Variants in NEIL2 observed in about 807,000 individuals in gnomAD.
NEIL2 encodes the protein endonuclease 8-like 2.
A neutral mutation model predicts 22.2 loss-of-function variants in NEIL2; 23 were observed. The observed-to-expected ratio is 1.04, with a 90% CI of 0.75 to 1.47. NEIL2 has a LOEUF of 1.47. NEIL2 is among the 40% of genes most tolerant of loss of function. The pLI, the probability that NEIL2 is intolerant of heterozygous loss-of-function variation, is 0.00. For synonymous variants in NEIL2, 229 were observed against 164.8 expected, an observed-to-expected ratio of 1.39 and a Z score of -2.99; for missense variants, 583 against 404.7, an observed-to-expected ratio of 1.44 and a Z score of -3.78.
At chr8:11,783,578 G>A (rs1199728931) in intron 4 of NEIL2, among the ~76,000 whole-genome samples, 179 bp downstream of exon 4, 3 of 152,176 alleles carry the variant, frequency 2.0e-5, no homozygotes, top group Non-Finnish European at 4.4e-5. Context: ...CATTAGATCA[G>A]GCAGTTTTTA....
chr8:11,780,703 T>G (rs1427257888), intron 3 of NEIL2, among the ~76,000 whole-genome samples: 1 of 152,248 alleles, frequency 6.6e-6, no homozygotes, highest in Non-Finnish European at 1.5e-5. Context: ...AATCTATGAA[T>G]GTTGAGATCA....
chr8:11,781,376 G>C (rs546318792), intron 3 of NEIL2, among the ~76,000 whole-genome samples: 24 of 152,278 alleles, frequency 1.6e-4, no homozygotes, highest in African/African-American at 5.5e-4. Context: ...TTTCTCCTTA[G>C]ACCAGCAGCA....
chr8:11,778,372 G>A (rs1369420661), intron 2 of NEIL2, among the ~76,000 whole-genome samples: 3 of 148,728 alleles, frequency 2.0e-5, no homozygotes, highest in African/African-American at 7.4e-5. Flanking sequence ...CAGATTTACA[G>A]ATAAGCTATT....
chr8:11,783,173 G>A, intron 3 of NEIL2, 30 bp from the exon 4 acceptor site: 1 of 1,604,250 alleles, frequency 6.2e-7, no homozygotes, highest in Non-Finnish European at 8.5e-7. Context: ...TGGTAACGAT[G>A]TGTACATATG....
At chr8:11,770,415 A>T (rs1803336782) in intron 1 of NEIL2, 80 bp downstream of exon 1, 1 of 152,126 alleles carries the variant, frequency 6.6e-6, no homozygotes, top group African/African-American at 2.4e-5. Flanking sequence ...AAGCCTGATG[A>T]GGGGAAATAG....
chr8:11,774,155 C>T (rs1012787372), intron 2 of NEIL2, among the ~76,000 whole-genome samples: 5 of 152,066 alleles, frequency 3.3e-5, no homozygotes, highest in African/African-American at 1.2e-4. Flanking sequence ...GTGGGCAGGT[C>T]GCCTGAGGTC....
intron 3 of NEIL2, 130 bp from the exon 4 acceptor site, chr8:11,783,073 G>GC (rs1173278877): frequency 1.3e-6 from 1 of 790,232 alleles, no homozygotes; most frequent in Non-Finnish European, 2.3e-6. Flanking sequence ...GTATGATCCA[G>GC]CCACAGAGTG....
chr8:11,771,685 G>A (rs1177528015), intron 2 of NEIL2, 100 bp downstream of exon 2: 7 of 1,307,562 alleles, frequency 5.4e-6, no homozygotes, highest in Admixed American at 2.2e-5. Flanking sequence ...CCCTGAGTCC[G>A]GAACCACCAA....
chr8:11,778,290 G>GTTTTTTTTTTTTTTTTTTTT (rs34908835), intron 2 of NEIL2, among the ~76,000 whole-genome samples: 1 of 130,298 alleles, frequency 7.7e-6, no homozygotes, highest in Admixed American at 7.6e-5. Flanking sequence ...TCCTTGCTCA[G>GTTTTTTTTTTTTTTTTTTTT]TTTTTTTTTT....
At chr8:11,781,023 TATATC>T (rs1198211552) in intron 3 of NEIL2, among the ~76,000 whole-genome samples, 1 of 152,238 alleles carries the variant, frequency 6.6e-6, no homozygotes, top group African/African-American at 2.4e-5. Context: ...TTTAAATTTT[TATATC>T]ATCAACGGTG....
rs780305560 is a variant in NEIL2 at position 11,787,224 on chromosome 8, G to C, written c.*951G>C. 11 of 152,672 alleles carry C rather than the reference G, an allele frequency of 7.2e-5. No individual in the cohort carries two copies. The highest frequency in any genetic ancestry group is 2.4e-4 in the African/African-American group (10 of 41,446). 9.5% of individuals were successfully genotyped at this position (152,672 alleles called of 1,614,324 possible). On this transcript the variant is annotated 3_prime_UTR_variant, in exon 5 of 5. Transcript: ENST00000284503. ...GTTTACTCCTTAAGTCAATGTATTG[G>C]TGACTGTTGATTTGTTGAACAATTC...
rs8191664 is a variant in NEIL2 at position 11,786,044 on chromosome 8, G to A, written c.770G>A (p.Arg257Gln). Residue 257 changes from arginine to glutamine, a missense_variant, in exon 5 of 5, where the codon CGG (arginine) becomes CAG (glutamine). By Grantham distance (43) the Arg-to-Gln change is conservative. Transcript: ENST00000284503. Reference protein sequence around the residue: ...SLGSVLSASRREVLVDHVVEF... With the variant: ...SLGSVLSASRQEVLVDHVVEF... The stretch of plus-strand genomic sequence containing the variant: ...GGTTCAGTCCTGAGTGCCTCGCGTC[G>A]GGAGGTCCTGGTGGATCACGTGGTG... 130 of 1,613,982 alleles carry A rather than the reference G, an allele frequency of 8.1e-5. No individual in the cohort carries two copies. Among genetic ancestry groups the A allele is most frequent in the Non-Finnish European group, 1.0e-4 (118 of 1,180,000 alleles).
chr8:11,783,240 T>A lies in NEIL2; in HGVS notation c.529T>A (p.Phe177Ile). The A allele has an allele frequency of 6.2e-7, 1 of 1,614,236 alleles. No homozygotes were observed. The highest frequency in any genetic ancestry group is 1.3e-5 in the African/African-American group (1 of 75,062). ...LHFGGGGFLA[F>I]YNCQLSWSSS... ...CTTTGGTGGTGGTGGCTTCCTGGCA[T>A]TTTATAATTGTCAGTTGTCTTGGAG... The change falls in exon 4 of 5, where the codon TTT becomes ATT. Residue 177 changes from phenylalanine (F) to isoleucine (I), a missense_variant. By Grantham distance (21) the Phe-to-Ile change is conservative (BLOSUM62 0). Coordinates refer to ENST00000284503, the MANE Select transcript of NEIL2 (RefSeq NM_145043.4).
At position 11,779,648 on chromosome 8, in the gene NEIL2, G is replaced by T. The variant is rs898676276; in HGVS notation, c.189G>T (p.Gly63=). ...GATTTGATCTAGATGAAGAAATGGG[G>T]CCCCCTGGCAGCAGCCCAACACCAG... ...FLRFDLDEEM[G]PPGSSPTPEP... is the part of the protein sequence containing the mutation. The change falls in exon 3 of 5, where the codon GGG becomes GGT. Residue 63 remains glycine, a synonymous_variant. Transcript: ENST00000284503. 6.2e-7 allele frequency: 1 copy of T among 1,613,684 alleles called. No individual in the cohort carries two copies.
rs1423033608 is a variant in NEIL2 at position 11,769,739 on chromosome 8, G to GCGGGCTGCGTAGCGGTGCTGGGT, written c.-593_-571dup. ...CTCCGCCCCCAGCTGGAGCGGCTGT[G>GCGGGCTGCGTAGCGGTGCTGGGT]CGGGCTGCGTAGCGGTGCTGGGTCG... is the stretch of plus-strand genomic sequence containing the variant. On this transcript the variant is annotated 5_prime_UTR_variant, in exon 1 of 5. Coordinates refer to ENST00000284503, the MANE Select transcript of NEIL2 (RefSeq NM_145043.4). 5.2e-5 allele frequency: 8 copies of GCGGGCTGCGTAGCGGTGCTGGGT among 152,526 alleles called. No individual in the cohort carries two copies. Among genetic ancestry groups the GCGGGCTGCGTAGCGGTGCTGGGT allele is most frequent in the Non-Finnish European group, 1.0e-4 (7 of 68,190 alleles). 9.4% of individuals were successfully genotyped at this position (152,526 alleles called of 1,614,324 possible).
chr8:11,783,474 C>T, intron 4 of NEIL2, 75 bp downstream of exon 4: 7 of 1,254,300 alleles, frequency 5.6e-6, no homozygotes, highest in Non-Finnish European at 8.2e-6. Context: ...GTCAGAAGAC[C>T]TGAGGGCCAC....
intron 2 of NEIL2, among the ~76,000 whole-genome samples, chr8:11,779,317 T>G (rs565844266): frequency 6.6e-6 from 1 of 152,328 alleles, no homozygotes; most frequent in Admixed American, 6.5e-5. Context: ...ATGAAAAAAT[T>G]GGGAGCGATT....
In NEIL2 at chr8:11,770,269, G is replaced by A. The variant is rs976166320; in HGVS notation, c.-69G>A. On this transcript the variant is annotated 5_prime_UTR_variant, in exon 1 of 5. Transcript: ENST00000284503. The stretch of plus-strand genomic sequence containing the variant: ...TGTCCGGAGATTTTCAGGACTTGGT[G>A]CATTTCAGATGAAGGCTTTTCCAGA... 6 of 152,206 alleles carry A rather than the reference G, an allele frequency of 3.9e-5. No homozygotes were observed. The highest frequency in any genetic ancestry group is 1.4e-4 in the African/African-American group (6 of 41,422). 9.4% of individuals were successfully genotyped at this position (152,206 alleles called of 1,614,324 possible). A position where few individuals can be genotyped will look rare whatever the true frequency, so the allele number is the denominator to read the frequency against.
At chr8:11,779,058 A>G (rs1224345443) in intron 2 of NEIL2, among the ~76,000 whole-genome samples, 1 of 150,378 alleles carries the variant, frequency 6.6e-6, no homozygotes, top group Non-Finnish European at 1.5e-5. Flanking sequence ...TTTGCCTTAT[A>G]CTTTTTAGAG....
Sources: gnomAD v4.1 joint callset for allele counts (sites outside exome capture counted in the v4.1 genomes callset) on GRCh38, gnomAD v4.1.1 for gene constraint, MANE v1.5 for transcripts, NCBI Gene and HGNC (gene_info 2026-07-23, HGNC 2026-07-21) for gene names.